IL1RAPL2: variants seen among roughly 807,000 people sequenced by gnomAD.
The protein encoded by IL1RAPL2 is interleukin 1 receptor accessory protein like 2.
IL1RAPL2 carries 3 observed loss-of-function variants against 44.1 expected under a neutral mutation model. That is an observed-to-expected ratio of 0.07 (90% CI 0.03 to 0.18). The LOEUF is 0.18. IL1RAPL2 is among the 10% of genes least tolerant of loss of function. The pLI is 1.00. For synonymous variants in IL1RAPL2, 181 were observed against 178.8 expected, an observed-to-expected ratio of 1.01 and a Z score of -0.10; for missense variants, 391 against 496.4, an observed-to-expected ratio of 0.79 and a Z score of 2.02.
intron 2 of IL1RAPL2, among the ~76,000 whole-genome samples, chrX:104,907,539 T>A (rs773242278): frequency 8.9e-6 from 1 of 112,216 alleles, no homozygotes; most frequent in East Asian, 2.8e-4. Flanking sequence ...CACCTTTATT[T>A]CTGCCTTCAT....
chrX:104,761,926 T>TCCTTCTCCTTCTC (rs1932456562), intron 2 of IL1RAPL2, among the ~76,000 whole-genome samples: 2 of 33,781 alleles, frequency 5.9e-5, no homozygotes, highest in East Asian at 1.5e-3. Flanking sequence ...TCCTTCTCCT[T>TCCTTCTCCTTCTC]CTTCTTCTTC....
At chrX:105,229,321 T>TA (rs782600087) in intron 3 of IL1RAPL2, among the ~76,000 whole-genome samples, 4 of 112,484 alleles carry the variant, frequency 3.6e-5, no homozygotes, top group African/African-American at 1.3e-4. Flanking sequence ...CAGCATTGAT[T>TA]ATACCTCCCC....
At chrX:104,841,192 A>C (rs1024438410) in intron 2 of IL1RAPL2, among the ~76,000 whole-genome samples, 2 of 111,765 alleles carry the variant, frequency 1.8e-5, no homozygotes, top group Non-Finnish European at 3.8e-5. Flanking sequence ...CTGTTTTATC[A>C]GAGACGGAGA....
intron 1 of IL1RAPL2, among the ~76,000 whole-genome samples, chrX:104,644,033 G>T (rs1471315259): frequency 9.0e-6 from 1 of 111,602 alleles, no homozygotes; most frequent in Non-Finnish European, 1.9e-5. Flanking sequence ...GTGGTAAACA[G>T]AGAAGATGCC....
chrX:104,585,265 A>ATTAT (rs1491551706), intron 1 of IL1RAPL2, among the ~76,000 whole-genome samples: 1 of 24,510 alleles, frequency 4.1e-5, no homozygotes, highest in Non-Finnish European at 6.3e-5. Flanking sequence ...ATATATATAT[A>ATTAT]ATATATTATA....
At chrX:104,829,314 A>G (rs1483459661) in intron 2 of IL1RAPL2, among the ~76,000 whole-genome samples, 2 of 111,949 alleles carry the variant, frequency 1.8e-5, no homozygotes, top group East Asian at 5.6e-4. Flanking sequence ...TGGGAAAAGC[A>G]TAGTATCTGG....
intron 2 of IL1RAPL2, among the ~76,000 whole-genome samples, chrX:105,117,164 T>C (rs1028743164): frequency 1.3e-4 from 15 of 112,286 alleles, no homozygotes; most frequent in Non-Finnish European, 2.8e-4. Flanking sequence ...AACATAGCAC[T>C]TCTTCTTATC....
In IL1RAPL2 at chrX:104,892,565, T is replaced by C. The variant is rs188414887; in HGVS notation, c.82+233570T>C. On this transcript the variant is annotated intron_variant, in intron 2 of 10. Transcript: ENST00000372582. ...ATTTATCCATTTCTTCTAGATTTTC[T>C]AGTTTATTTGTGTTAGAGGTGTTTA... Among the ~76,000 whole-genome samples, 7 of 112,291 alleles carry C rather than the reference T, an allele frequency of 6.2e-5. No individual in the cohort carries two copies. In the East Asian group the frequency reaches 8.4e-4, roughly 13 times the overall value.
At chrX:105,129,705 A>C (rs1464773411) in intron 2 of IL1RAPL2, among the ~76,000 whole-genome samples, 1 of 110,688 alleles carries the variant, frequency 9.0e-6, no homozygotes, top group Non-Finnish European at 1.9e-5. Flanking sequence ...AGAATTCCTT[A>C]GTATGCAGCC....
intron 6 of IL1RAPL2, among the ~76,000 whole-genome samples, chrX:105,699,106 T>C (rs986570462): frequency 6.3e-5 from 7 of 111,679 alleles, no homozygotes; most frequent in African/African-American, 2.0e-4. Context: ...TATCATCTTT[T>C]AAAATGTGTT....
intron 6 of IL1RAPL2, among the ~76,000 whole-genome samples, chrX:105,651,917 A>G (rs1230054681): frequency 8.9e-6 from 1 of 112,055 alleles, no homozygotes; most frequent in Non-Finnish European, 1.9e-5. Context: ...ATGCAGTATG[A>G]GAAAATGTGA....
chrX:104,718,420 C>T (rs1367251550), intron 2 of IL1RAPL2, among the ~76,000 whole-genome samples: 2 of 111,181 alleles, frequency 1.8e-5, no homozygotes, highest in Non-Finnish European at 3.8e-5. Context: ...CATATGTCGA[C>T]TTGTCTTCCC....
chrX:105,424,206 C>T (rs1163168141), intron 5 of IL1RAPL2, among the ~76,000 whole-genome samples: 5 of 112,096 alleles, frequency 4.5e-5, no homozygotes, highest in African/African-American at 1.6e-4. Flanking sequence ...CTAAGGTGGT[C>T]AGAACACAGT....
intron 7 of IL1RAPL2, among the ~76,000 whole-genome samples, chrX:105,719,009 A>G (rs754981008): frequency 9.0e-6 from 1 of 111,210 alleles, no homozygotes; most frequent in African/African-American, 3.3e-5. Flanking sequence ...GAAATGGGAA[A>G]CCTCATATAC....
rs147840482 is a variant in IL1RAPL2 at position 104,842,053 on chromosome X, A to G, written c.82+183058A>G. Among the ~76,000 whole-genome samples, 3 of 109,825 alleles carry G rather than the reference A, an allele frequency of 2.7e-5. No homozygotes were observed. The East Asian group carries it at 8.7e-4, about 32-fold the overall frequency. On this transcript the variant is annotated intron_variant, in intron 2 of 10. Coordinates refer to ENST00000372582, the MANE Select transcript of IL1RAPL2 (RefSeq NM_017416.2). The stretch of plus-strand genomic sequence containing the variant: ...TCAATCGCAGGTTTGGTTTTTTCAC[A>G]TAGTCCCATATTTGTTGGAGGCTTT...
At chrX:105,036,123 T>C (rs771541254) in intron 2 of IL1RAPL2, among the ~76,000 whole-genome samples, 1 of 111,555 alleles carries the variant, frequency 9.0e-6, no homozygotes, top group South Asian at 3.8e-4. Context: ...TTGACCAATG[T>C]CTACAAGAAA....
At chrX:105,479,461 T>C (rs1271983029) in intron 5 of IL1RAPL2, among the ~76,000 whole-genome samples, 4 of 110,961 alleles carry the variant, frequency 3.6e-5, no homozygotes, top group Non-Finnish European at 5.7e-5. Context: ...CAGGAAAGGC[T>C]GGGCACCGTG....
In IL1RAPL2 at chrX:104,777,541, AATTATTATTATTATT is replaced by A. The variant is rs376271609; in HGVS notation, c.82+118583_82+118597del. 4.4e-3 allele frequency among the ~76,000 whole-genome samples: 375 copies of A among 85,305 alleles called. 2 individuals are homozygous for A. The highest frequency in any genetic ancestry group is 0.01 in the African/African-American group (238 of 22,900). The allele number at this position is 85,305 out of a possible 115,157, so 74.1% of individuals were successfully genotyped here. On this transcript the variant is annotated intron_variant, in intron 2 of 10. Transcript: ENST00000372582. The stretch of plus-strand genomic sequence containing the variant: ...AATATCTCTTTGAGACTCTGCTTTC[AATTATTATTATTATT>A]ATTATTATTATTATTATTATTATTA...
intron 3 of IL1RAPL2, among the ~76,000 whole-genome samples, chrX:105,208,538 G>A (rs1438998286): frequency 9.0e-6 from 1 of 110,885 alleles, no homozygotes; most frequent in East Asian, 2.8e-4. Context: ...ATATTCGATG[G>A]GTATAGTCTG....
Sources: allele counts gnomAD v4.1 joint callset (sites outside exome capture counted in the v4.1 genomes callset), GRCh38; gene constraint gnomAD v4.1.1; transcripts MANE v1.5; gene names NCBI Gene and HGNC (gene_info 2026-07-23, HGNC 2026-07-21).